Variants in NCKAP5 observed in about 807,000 individuals in gnomAD.
NCKAP5 encodes NCK associated protein 5, also known as nck-associated protein 5.
In NCKAP5, 92 loss-of-function variants were observed where a neutral mutation model predicts 167.0. The observed-to-expected ratio is 0.55, with a 90% CI of 0.47 to 0.66. The LOEUF is 0.66. Ranked by LOEUF, NCKAP5 falls within the 30% of genes least tolerant of loss-of-function variation. The pLI is 0.00. For synonymous variants in NCKAP5, 891 were observed against 877.4 expected (o/e 1.02, Z -0.27); for missense variants, 2,378 against 2,315.0 (o/e 1.03, Z -0.56).
intron 3 of NCKAP5, among the ~76,000 whole-genome samples, chr2:133,511,285 C>T (rs1419482190): frequency 6.6e-6 from 1 of 152,176 alleles, no homozygotes; most frequent in Non-Finnish European, 1.5e-5. Context: ...AGACTTGCAG[C>T]AAGTAGCACC....
At chr2:133,329,065 A>G (rs1355292505) in intron 3 of NCKAP5, among the ~76,000 whole-genome samples, 2 of 152,208 alleles carry the variant, frequency 1.3e-5, no homozygotes, top group Non-Finnish European at 2.9e-5. Context: ...CTTTACCCAC[A>G]TAGCTTGCCG....
chr2:132,948,996 A>G lies in NCKAP5; in HGVS notation c.579+14724T>C, dbSNP rs528896514. On this transcript the variant is annotated intron_variant, in intron 8 of 19. Coordinates refer to ENST00000409261, the MANE Select transcript of NCKAP5 (RefSeq NM_207363.3). Reference sequence around the variant, plus strand: ...AGTAACTCAGAAGCAACAAAGATCCAGAGAAATGAAAAGAAAAGAAAAGAA... The same window carrying G: ...AGTAACTCAGAAGCAACAAAGATCCGGAGAAATGAAAAGAAAAGAAAAGAA... Among the ~76,000 whole-genome samples, 4 of 143,748 alleles carry G rather than the reference A, an allele frequency of 2.8e-5. 1 individual carries two copies. In the South Asian group the frequency reaches 8.9e-4, roughly 32 times the overall value. 94.3% of individuals were successfully genotyped at this position (143,748 alleles called of 152,430 possible). A position where few individuals can be genotyped will look rare whatever the true frequency, so the allele number is the denominator to read the frequency against.
chr2:133,543,924 G>A (rs577702969), intron 2 of NCKAP5, among the ~76,000 whole-genome samples: 6 of 152,320 alleles, frequency 3.9e-5, no homozygotes, highest in African/African-American at 1.4e-4. Context: ...CTCAAGAACA[G>A]AAGCCACAGC....
chr2:132,771,667 T>C (rs1682060488), intron 16 of NCKAP5, among the ~76,000 whole-genome samples: 2 of 147,820 alleles, frequency 1.4e-5, no homozygotes, highest in South Asian at 2.2e-4. Flanking sequence ...TGTTTATCTT[T>C]GATGCTAATT....
intron 3 of NCKAP5, among the ~76,000 whole-genome samples, chr2:133,502,545 A>T (rs939073891): frequency 6.6e-6 from 1 of 152,166 alleles, no homozygotes; most frequent in African/African-American, 2.4e-5. Flanking sequence ...CTTAAAATCT[A>T]TTCAGTCTTC....
At chr2:132,753,991 C>T (rs77814236) in intron 16 of NCKAP5, among the ~76,000 whole-genome samples, 4,499 of 152,264 alleles carry the variant, frequency 0.03, 222 homozygotes, top group African/African-American at 0.1. Context: ...ACTCTTGAGA[C>T]TCGCATTCTA....
chr2:133,510,430 G>A (rs758506856), intron 3 of NCKAP5, among the ~76,000 whole-genome samples: 17 of 152,112 alleles, frequency 1.1e-4, no homozygotes, highest in African/African-American at 2.4e-4. Context: ...ATTATAAATC[G>A]CAATCTCTTC....
At chr2:133,022,423 C>A (rs1214007057) in intron 6 of NCKAP5, among the ~76,000 whole-genome samples, 1 of 152,090 alleles carries the variant, frequency 6.6e-6, no homozygotes, top group African/African-American at 2.4e-5. Context: ...TTACTTCAAA[C>A]TGAGGGCACC....
chr2:132,876,844 C>T (rs77339680), intron 9 of NCKAP5, among the ~76,000 whole-genome samples: 3,661 of 152,250 alleles, frequency 0.024, 160 homozygotes, highest in African/African-American at 0.083. Context: ...TCTGATGAAA[C>T]GTACGGAGTG....
chr2:133,198,316 T>A (rs1473997726), intron 5 of NCKAP5, among the ~76,000 whole-genome samples: 1 of 152,056 alleles, frequency 6.6e-6, no homozygotes, highest in African/African-American at 2.4e-5. Flanking sequence ...CCAAACAGGA[T>A]AATTTCAAAG....
intron 3 of NCKAP5, among the ~76,000 whole-genome samples, chr2:133,423,260 C>T (rs557433131): frequency 2.0e-5 from 3 of 152,290 alleles, no homozygotes; most frequent in African/African-American, 4.8e-5. Context: ...ATAGCTAATG[C>T]CTGCTTCTTG....
At position 133,326,427 on chromosome 2, in the gene NCKAP5, A is replaced by G. The variant is rs182481235; in HGVS notation, c.70-23317T>C. Among the ~76,000 whole-genome samples, 10 of 147,972 alleles carry G rather than the reference A, an allele frequency of 6.8e-5. No individual in the cohort carries two copies. The East Asian group carries it at 2.0e-3, about 29-fold the overall frequency. On this transcript the variant is annotated intron_variant, in intron 3 of 19. Coordinates refer to ENST00000409261, the MANE Select transcript of NCKAP5 (RefSeq NM_207363.3). ...CGAGTTCACACCACTACTGCACTCC[A>G]GCCTGGTGACAGAGCAAGACTCAGT...
At chr2:133,433,881 T>A (rs971263725) in intron 3 of NCKAP5, 1 of 152,194 alleles carries the variant, frequency 6.6e-6, no homozygotes, top group African/African-American at 2.4e-5. Flanking sequence ...TACAGATCTA[T>A]CTAACTTCTT....
At chr2:133,556,514 T>C (rs938268435) in intron 2 of NCKAP5, among the ~76,000 whole-genome samples, 1 of 152,180 alleles carries the variant, frequency 6.6e-6, no homozygotes, top group Non-Finnish European at 1.5e-5. Context: ...TAAAGATAAA[T>C]GTTTTCCCCT....
At chr2:132,762,545 T>G (rs1681095154) in intron 16 of NCKAP5, among the ~76,000 whole-genome samples, 1 of 152,074 alleles carries the variant, frequency 6.6e-6, no homozygotes, top group Non-Finnish European at 1.5e-5. Context: ...AGGGCAAAAC[T>G]TACTTAATAT....
At chr2:132,878,999 A>G (rs1691541873) in intron 8 of NCKAP5, 83 bp from the exon 9 acceptor site, 7 of 1,060,656 alleles carry the variant, frequency 6.6e-6, no homozygotes, top group Admixed American at 1.8e-5. Flanking sequence ...GTTACTAAAT[A>G]TATCTCCTCG....
At chr2:133,161,134 T>C (rs1254609012) in intron 5 of NCKAP5, among the ~76,000 whole-genome samples, 3 of 152,162 alleles carry the variant, frequency 2.0e-5, no homozygotes, top group East Asian at 3.9e-4. Context: ...GGTTGCACCC[T>C]CCTTATGAGA....
chr2:132,885,915 G>A (rs1692180606), intron 8 of NCKAP5, among the ~76,000 whole-genome samples: 1 of 152,184 alleles, frequency 6.6e-6, no homozygotes, highest in Non-Finnish European at 1.5e-5. Flanking sequence ...TCCGCTGCAG[G>A]CTTTTCACCT....
intron 5 of NCKAP5, among the ~76,000 whole-genome samples, chr2:133,170,136 G>C (rs2084178119): frequency 6.6e-6 from 1 of 152,058 alleles, no homozygotes. Context: ...CCAGAAGGAT[G>C]GGCATTTTAA....
Sources: gnomAD v4.1 joint callset for allele counts (sites outside exome capture counted in the v4.1 genomes callset) on GRCh38, gnomAD v4.1.1 for gene constraint, MANE v1.5 for transcripts, NCBI Gene and HGNC (gene_info 2026-07-23, HGNC 2026-07-21) for gene names.